AGBL4: variants seen among roughly 807,000 people sequenced by gnomAD.
The protein encoded by AGBL4 is AGBL carboxypeptidase 4.
Under a neutral mutation model 66.4 loss-of-function variants are expected in AGBL4, and 58 were observed. That is an observed-to-expected ratio of 0.87 (90% CI 0.71 to 1.09). The LOEUF is 1.09. Ranked by LOEUF, AGBL4 falls within the 50% of genes least tolerant of loss-of-function variation. AGBL4 has a pLI of 0.00. For synonymous variants in AGBL4, 234 were observed against 222.9 expected (o/e 1.05, Z -0.44); for missense variants, 579 against 631.0 (o/e 0.92, Z 0.88).
chr1:49,770,194 T>C (rs924418711), intron 2 of AGBL4, among the ~76,000 whole-genome samples: 1 of 152,184 alleles, frequency 6.6e-6, no homozygotes, highest in Non-Finnish European at 1.5e-5. Flanking sequence ...ATGAGGTACA[T>C]ACCTTCTATA....
intron 2 of AGBL4, among the ~76,000 whole-genome samples, chr1:49,735,119 C>T (rs925005705): frequency 3.3e-5 from 5 of 151,970 alleles, no homozygotes; most frequent in African/African-American, 1.2e-4. Context: ...GAATAATCAG[C>T]CCCACAAAAG....
intron 3 of AGBL4, among the ~76,000 whole-genome samples, chr1:49,478,772 A>G (rs915640648): frequency 1.3e-4 from 20 of 152,184 alleles, no homozygotes; most frequent in African/African-American, 4.6e-4. Flanking sequence ...AAAAATAACT[A>G]CAGCAACTTT....
At chr1:49,747,976 A>G (rs1053428025) in intron 2 of AGBL4, among the ~76,000 whole-genome samples, 1 of 135,526 alleles carries the variant, frequency 7.4e-6, no homozygotes, top group African/African-American at 2.6e-5. Context: ...GTGTGTGTGC[A>G]TGCAGACAAA....
intron 3 of AGBL4, among the ~76,000 whole-genome samples, chr1:49,397,250 C>T (rs946864192): frequency 1.0e-3 from 156 of 150,986 alleles, no homozygotes; most frequent in African/African-American, 3.7e-3. Context: ...GGCCCCACTC[C>T]ACCAAAAAAA....
intron 2 of AGBL4, among the ~76,000 whole-genome samples, chr1:49,747,762 G>A (rs1433941094): frequency 1.3e-5 from 2 of 151,970 alleles, no homozygotes; most frequent in Non-Finnish European, 2.9e-5. Context: ...CTGATCTATC[G>A]ACATATCTTT....
At chr1:48,733,744 A>G (rs1413901243) in intron 6 of AGBL4, among the ~76,000 whole-genome samples, 4 of 152,212 alleles carry the variant, frequency 2.6e-5, no homozygotes, top group Non-Finnish European at 5.9e-5. Context: ...AATCTGAAAC[A>G]TGGAGAGAAA....
rs564736145 is a variant in AGBL4, at chr1:49,118,866, G to A, written c.378-73066C>T. Reference sequence around the variant, plus strand: ...TTGGTAGGCTATTAATTATTGCCTCGATTACAGAACCTGTTATTGGTCTAT... The same window carrying A: ...TTGGTAGGCTATTAATTATTGCCTCAATTACAGAACCTGTTATTGGTCTAT... On this transcript the variant is annotated intron_variant, in intron 4 of 13. Transcript: ENST00000371839. 2.1e-3 allele frequency among the ~76,000 whole-genome samples: 321 copies of A among 152,044 alleles called. 2 individuals are homozygous for A. The highest frequency in any genetic ancestry group is 3.2e-3 in the Non-Finnish European group (214 of 67,904).
chr1:49,410,560 T>G (rs1645295493), intron 3 of AGBL4, among the ~76,000 whole-genome samples: 1 of 152,276 alleles, frequency 6.6e-6, no homozygotes, highest in East Asian at 1.9e-4. Context: ...CTTTCCTCTG[T>G]ATCAGTTGCT....
chr1:49,092,791 A>T (rs2147982395), intron 4 of AGBL4, among the ~76,000 whole-genome samples: 1 of 152,208 alleles, frequency 6.6e-6, no homozygotes, highest in Non-Finnish European at 1.5e-5. Flanking sequence ...ATTTTCAAAT[A>T]TTTGTTGAAG....
rs1395272795 is a variant in AGBL4, at chr1:49,877,725, G to C, written c.35-26207C>G. 3.3e-5 allele frequency among the ~76,000 whole-genome samples: 5 copies of C among 151,542 alleles called. No individual in the cohort carries two copies. The South Asian group carries it at 6.2e-4, about 19-fold the overall frequency. The stretch of plus-strand genomic sequence containing the variant: ...TTTTCTATTGATTGGAATAGTTTCA[G>C]AAGGAATGGTACCAGTTCCTCCTTG... On this transcript the variant is annotated intron_variant, in intron 1 of 13. Transcript: ENST00000371839.
intron 3 of AGBL4, among the ~76,000 whole-genome samples, chr1:49,445,098 C>A (rs1056149014): frequency 2.0e-5 from 3 of 151,798 alleles, no homozygotes; most frequent in Non-Finnish European, 4.4e-5. Context: ...AACTCTTCTT[C>A]ATTTATGAAA....
intron 4 of AGBL4, among the ~76,000 whole-genome samples, chr1:49,112,350 T>C (rs887705232): frequency 6.6e-6 from 1 of 152,120 alleles, no homozygotes; most frequent in African/African-American, 2.4e-5. Flanking sequence ...CTTCAGAGAG[T>C]CATCATCTTT....
At chr1:48,937,238 T>C (rs945565661) in intron 5 of AGBL4, among the ~76,000 whole-genome samples, 15 of 152,314 alleles carry the variant, frequency 9.8e-5, no homozygotes, top group South Asian at 6.2e-4. Context: ...AGTATATTGC[T>C]CAAGATGCCA....
At chr1:48,953,942 A>G (rs1196721898) in intron 5 of AGBL4, among the ~76,000 whole-genome samples, 1 of 152,182 alleles carries the variant, frequency 6.6e-6, no homozygotes, top group Non-Finnish European at 1.5e-5. Context: ...AAAGATTGGG[A>G]GAAGAAACAT....
At chr1:49,465,016 C>G (rs761063627) in intron 3 of AGBL4, among the ~76,000 whole-genome samples, 15 of 151,694 alleles carry the variant, frequency 9.9e-5, no homozygotes, top group Non-Finnish European at 1.9e-4. Context: ...GTAACATGCA[C>G]TTCCCTCACA....
At chr1:48,568,811 T>A (rs1157345867) in intron 11 of AGBL4, among the ~76,000 whole-genome samples, 3 of 152,208 alleles carry the variant, frequency 2.0e-5, no homozygotes, top group African/African-American at 4.8e-5. Flanking sequence ...TTCTCCCTAA[T>A]GTCCCCTCTC....
intron 6 of AGBL4, among the ~76,000 whole-genome samples, chr1:48,672,028 T>C (rs1646285317): frequency 1.3e-5 from 2 of 152,218 alleles, no homozygotes; most frequent in Admixed American, 1.3e-4. Flanking sequence ...AAAAACAGTT[T>C]CCCTAGGAAA....
intron 2 of AGBL4, among the ~76,000 whole-genome samples, chr1:49,849,179 T>A (rs1456470523): frequency 1.3e-5 from 2 of 151,986 alleles, no homozygotes; most frequent in Admixed American, 1.3e-4. Flanking sequence ...TAGAACCTCA[T>A]CCTGTGACTT....
intron 1 of AGBL4, among the ~76,000 whole-genome samples, chr1:49,892,250 A>G (rs562903957): frequency 6.1e-4 from 93 of 152,308 alleles, no homozygotes; most frequent in African/African-American, 1.8e-3. Context: ...AAAATTGTCA[A>G]TTTTAATATG....
Sources: gnomAD v4.1 joint callset for allele counts (sites outside exome capture counted in the v4.1 genomes callset) on GRCh38, gnomAD v4.1.1 for gene constraint, MANE v1.5 for transcripts, NCBI Gene and HGNC (gene_info 2026-07-23, HGNC 2026-07-21) for gene names.